AFF3: variants seen among roughly 807,000 people sequenced by gnomAD.
AFF3 encodes the protein AF4/FMR2 family member 3.
A neutral mutation model predicts 129.7 loss-of-function variants in AFF3; 32 were observed. That is an observed-to-expected ratio of 0.25 (90% confidence interval 0.19 to 0.33). The LOEUF (loss-of-function observed/expected upper bound fraction) is 0.33. Among genes scored for constraint, AFF3 ranks in the 10% least tolerant of loss-of-function variants. The pLI is 1.00. For missense variants in AFF3, 1,373 were observed against 1,592.0 expected (o/e 0.86, Z 2.34); for synonymous variants, 644 against 635.4 (o/e 1.01, Z -0.20).
Position 99,594,193 on chromosome 2 carries a change from C to G in AFF3, c.1468G>C (p.Gly490Arg), listed in dbSNP as rs776626905. Residue 490 changes from glycine to arginine, a missense_variant, in exon 15 of 25, where the codon GGG (glycine) becomes CGG (arginine). Transcript: ENST00000672756. ...TTGTAGTACTGATTGCTCTCTGACC[C>G]GTGGCTTTCATTTTGGATCAGAATA... is the stretch of plus-strand genomic sequence containing the variant. ...PPILIQNESH[G>R]SESNQYYNPV... 1.2e-6 allele frequency: 2 copies of G among 1,614,096 alleles called. No individual in the cohort carries two copies. The highest frequency in any genetic ancestry group is 1.3e-5 in the African/African-American group (1 of 75,042).
chr2:99,618,453 C>T (rs1681670391), intron 13 of AFF3, among the ~76,000 whole-genome samples: 1 of 152,006 alleles, frequency 6.6e-6, no homozygotes, highest in Non-Finnish European at 1.5e-5. Flanking sequence ...CCAGGCTGGT[C>T]TCAAACTCCT....
intron 12 of AFF3, among the ~76,000 whole-genome samples, chr2:99,666,912 G>A (rs191952721): frequency 9.2e-5 from 14 of 152,166 alleles, no homozygotes; most frequent in Non-Finnish European, 1.6e-4. Context: ...AAAACAACCC[G>A]ATTGAATAGA....
At chr2:99,642,583 T>TA (rs1190815116) in intron 13 of AFF3, among the ~76,000 whole-genome samples, 3 of 152,224 alleles carry the variant, frequency 2.0e-5, no homozygotes, top group African/African-American at 4.8e-5. Context: ...TCAAATGACT[T>TA]ACGGTGTCTG....
intron 7 of AFF3, among the ~76,000 whole-genome samples, chr2:99,972,027 C>T (rs1678437019): frequency 6.6e-6 from 1 of 152,328 alleles, no homozygotes; most frequent in Admixed American, 6.5e-5. Context: ...AAGCCAGAGT[C>T]CTTCTCAGCA....
At chr2:99,625,886 T>C (rs774826513) in intron 13 of AFF3, among the ~76,000 whole-genome samples, 3 of 152,236 alleles carry the variant, frequency 2.0e-5, no homozygotes, top group Non-Finnish European at 2.9e-5. Context: ...TGTAACCACT[T>C]TTCCAGTGAA....
At chr2:100,050,554 A>T (rs890278387) in intron 4 of AFF3, among the ~76,000 whole-genome samples, 12 of 152,204 alleles carry the variant, frequency 7.9e-5, no homozygotes, top group Non-Finnish European at 8.8e-5. Context: ...GAGTTCCTGT[A>T]CTTGCTGTCT....
At chr2:99,579,882 G>A (rs1677361416) in intron 17 of AFF3, among the ~76,000 whole-genome samples, 1 of 152,224 alleles carries the variant, frequency 6.6e-6, no homozygotes, top group Non-Finnish European at 1.5e-5. Flanking sequence ...GTTAGGAAAT[G>A]CAAATGGTTT....
chr2:99,737,270 G>A (rs1350920761), intron 10 of AFF3, among the ~76,000 whole-genome samples: 2 of 151,880 alleles, frequency 1.3e-5, no homozygotes, highest in African/African-American at 4.8e-5. Flanking sequence ...ATTATTACTG[G>A]TGCATGCAAT....
intron 11 of AFF3, among the ~76,000 whole-genome samples, chr2:99,697,605 T>C (rs1676421908): frequency 6.6e-6 from 1 of 152,248 alleles, no homozygotes; most frequent in East Asian, 1.9e-4. Flanking sequence ...AGAAAGGCCC[T>C]TGCGATCAGA....
chr2:100,021,309 C>T (rs1348660429), intron 4 of AFF3, among the ~76,000 whole-genome samples: 6 of 152,174 alleles, frequency 3.9e-5, no homozygotes, highest in Non-Finnish European at 5.9e-5. Context: ...ACTCTAATTC[C>T]TGGTTTCCTG....
chr2:99,797,181 C>T (rs1406267699), intron 8 of AFF3, among the ~76,000 whole-genome samples: 1 of 151,972 alleles, frequency 6.6e-6, no homozygotes, highest in Non-Finnish European at 1.5e-5. Flanking sequence ...ACTTATTGGA[C>T]AAAGATATTA....
At chr2:99,743,292 C>A (rs1301118579) in intron 10 of AFF3, among the ~76,000 whole-genome samples, 1 of 152,208 alleles carries the variant, frequency 6.6e-6, no homozygotes. Flanking sequence ...TTCTCTCCGG[C>A]CCATTTGCCT....
intron 11 of AFF3, among the ~76,000 whole-genome samples, chr2:99,703,951 T>C (rs1481938930): frequency 3.3e-5 from 5 of 152,244 alleles, no homozygotes; most frequent in Admixed American, 3.3e-4. Context: ...TTGTTCTAAG[T>C]ATTGCCATAC....
intron 7 of AFF3, among the ~76,000 whole-genome samples, chr2:99,900,826 C>T (rs189473142): frequency 2.9e-3 from 445 of 152,324 alleles, no homozygotes; most frequent in Non-Finnish European, 4.1e-3. Flanking sequence ...ATGCCCATGA[C>T]GAAAGGCTGT....
chr2:100,070,024 T>C (rs7582731), intron 4 of AFF3, among the ~76,000 whole-genome samples: 79,601 of 151,996 alleles, frequency 0.52, 21,446 homozygotes, highest in African/African-American at 0.64. Context: ...TTTATATCTC[T>C]ACAAATGGCT....
Position 99,594,134 on chromosome 2 carries a change from T to C in AFF3, c.1527A>G (p.Lys509=), listed in dbSNP as rs781557507. Residue 509 remains lysine (K), a synonymous_variant, in exon 15 of 25, where the codon AAA becomes AAG. Transcript: ENST00000672756. ...PVKEDVQDCG[K]VPDVCQPSLR... Reference sequence around the variant, plus strand: ...GGCTGGGCTGGCAAACGTCGGGGACTTTCCCACAGTCCTGGACGTCCTCTT... The same window carrying C: ...GGCTGGGCTGGCAAACGTCGGGGACCTTCCCACAGTCCTGGACGTCCTCTT... The C allele has an allele frequency of 1.2e-6, 2 of 1,613,986 alleles. No individual in the cohort carries two copies. Among genetic ancestry groups the C allele is most frequent in the African/African-American group, 2.7e-5 (2 of 74,922 alleles).
rs1376435391 is a variant in AFF3 at position 99,936,146 on chromosome 2, A to T, written c.873+70486T>A. ...CCCTCAGGAACTACAGCCTTTGGGG[A>T]AACAGATTTGGGTATTTACGAGCTG... On this transcript the variant is annotated intron_variant, in intron 7 of 24. Coordinates refer to ENST00000672756, the MANE Select transcript of AFF3 (RefSeq NM_001386135.1). 2.6e-5 allele frequency among the ~76,000 whole-genome samples: 4 copies of T among 152,180 alleles called. No individual in the cohort carries two copies. The East Asian group carries it at 7.7e-4, about 29-fold the overall frequency.
intron 20 of AFF3, among the ~76,000 whole-genome samples, chr2:99,561,084 G>A (rs997318351): frequency 6.6e-6 from 1 of 152,174 alleles, no homozygotes; most frequent in African/African-American, 2.4e-5. Context: ...AGAGAGCTGA[G>A]GCAGTATGTG....
At chr2:100,064,218 C>T (rs981590465) in intron 4 of AFF3, among the ~76,000 whole-genome samples, 6 of 152,082 alleles carry the variant, frequency 3.9e-5, no homozygotes, top group Admixed American at 3.9e-4. Flanking sequence ...CCAGAAAACA[C>T]AAAGCCAGCA....
Sources: gnomAD v4.1 joint callset for allele counts (sites outside exome capture counted in the v4.1 genomes callset) on GRCh38, gnomAD v4.1.1 for gene constraint, MANE v1.5 for transcripts, NCBI Gene and HGNC (gene_info 2026-07-23, HGNC 2026-07-21) for gene names.